Variants in TOPAZ1 observed in about 807,000 individuals in gnomAD.
TOPAZ1 encodes protein TOPAZ1.
TOPAZ1 carries 66 observed loss-of-function variants against 172.2 expected under a neutral mutation model. The observed-to-expected ratio is 0.38, with a 90% CI of 0.31 to 0.47. TOPAZ1 has a LOEUF of 0.47. TOPAZ1 is among the 20% of genes least tolerant of loss of function. The pLI, the probability that TOPAZ1 is intolerant of heterozygous loss-of-function variation, is 0.99. For synonymous variants in TOPAZ1, 681 were observed against 683.9 expected (o/e 1.00, Z 0.07); for missense variants, 1,822 against 1,972.4 (o/e 0.92, Z 1.44).
chr3:44,260,967 A>G (rs1699768556), intron 4 of TOPAZ1, among the ~76,000 whole-genome samples: 1 of 151,932 alleles, frequency 6.6e-6, no homozygotes, highest in African/African-American at 2.4e-5. Flanking sequence ...TTATGTGTAG[A>G]TCTGTTTCTT....
In TOPAZ1 at chr3:44,290,251, C is replaced by T. The variant is rs181798219; in HGVS notation, c.3682-520C>T. ...TTCCCTTGTTGGTTCTCTTCATTAG[C>T]GTTGAGGCTCATGAAGAAGACAGGA... On this transcript the variant is annotated intron_variant, in intron 11 of 19. Coordinates refer to ENST00000309765, the MANE Select transcript of TOPAZ1 (RefSeq NM_001145030.2). Among the ~76,000 whole-genome samples, 23 of 152,280 alleles carry T rather than the reference C, an allele frequency of 1.5e-4. No individual in the cohort carries two copies. The South Asian group carries it at 4.4e-3, about 29-fold the overall frequency.
chr3:44,291,578 G>A (rs866120037), intron 12 of TOPAZ1, among the ~76,000 whole-genome samples: 1 of 151,294 alleles, frequency 6.6e-6, no homozygotes, highest in Non-Finnish European at 1.5e-5. Flanking sequence ...GGGCGACAGA[G>A]CGAGACTCCG....
At chr3:44,272,568 G>A (rs1053260014) in intron 8 of TOPAZ1, among the ~76,000 whole-genome samples, 1 of 151,982 alleles carries the variant, frequency 6.6e-6, no homozygotes, top group African/African-American at 2.4e-5. Flanking sequence ...CAGCTCTCTT[G>A]CCCTTTTTTT....
chr3:44,315,740 TTTGA>T (rs1010067363), intron 16 of TOPAZ1, among the ~76,000 whole-genome samples: 5 of 152,232 alleles, frequency 3.3e-5, no homozygotes, highest in African/African-American at 1.2e-4. Flanking sequence ...ATCTTTAGTC[TTTGA>T]TTGAATACCA....
intron 9 of TOPAZ1, among the ~76,000 whole-genome samples, chr3:44,285,979 C>T (rs1034759670): frequency 2.6e-5 from 4 of 151,416 alleles, no homozygotes; most frequent in Non-Finnish European, 4.4e-5. Flanking sequence ...GAGGCCAAGG[C>T]GGGCAGATCA....
intron 12 of TOPAZ1, among the ~76,000 whole-genome samples, chr3:44,295,995 A>G (rs1424214735): frequency 6.6e-6 from 1 of 152,190 alleles, no homozygotes; most frequent in Non-Finnish European, 1.5e-5. Context: ...AAAAATTTAA[A>G]ACAATTAAAA....
chr3:44,280,202 T>C (rs1700007206), intron 8 of TOPAZ1, among the ~76,000 whole-genome samples: 1 of 152,148 alleles, frequency 6.6e-6, no homozygotes, highest in Admixed American at 6.6e-5. Context: ...TCCTGGTCTG[T>C]AAGGTTTCTG....
chr3:44,317,602 TAATGACTG>T (rs2125703772), intron 16 of TOPAZ1, among the ~76,000 whole-genome samples: 1 of 152,304 alleles, frequency 6.6e-6, no homozygotes, highest in Non-Finnish European at 1.5e-5. Flanking sequence ...CTTGTGTGAG[TAATGACTG>T]AATGTGCATA....
intron 4 of TOPAZ1, among the ~76,000 whole-genome samples, chr3:44,257,220 AG>A (rs2125680864): frequency 6.6e-6 from 1 of 151,766 alleles, no homozygotes; most frequent in South Asian, 2.1e-4. Flanking sequence ...CTGTAGTCCC[AG>A]CTACTTGGCG....
intron 6 of TOPAZ1, among the ~76,000 whole-genome samples, chr3:44,268,975 T>C (rs1360500498): frequency 6.6e-6 from 1 of 152,182 alleles, no homozygotes; most frequent in African/African-American, 2.4e-5. Context: ...TTTAAGAAAG[T>C]TGTCTGCAGC....
chr3:44,320,375 A>G (rs1186508096), intron 16 of TOPAZ1, among the ~76,000 whole-genome samples: 5 of 152,202 alleles, frequency 3.3e-5, no homozygotes, highest in African/African-American at 4.8e-5. Context: ...AGGTGGGCCA[A>G]TCACAAGGTC....
At chr3:44,288,037 A>C (rs961147043) in intron 11 of TOPAZ1, among the ~76,000 whole-genome samples, 198 bp downstream of exon 11, 6 of 152,108 alleles carry the variant, frequency 3.9e-5, no homozygotes, top group Admixed American at 2.6e-4. Flanking sequence ...CCTCTTAAAT[A>C]GTTTCAGACA....
intron 11 of TOPAZ1, among the ~76,000 whole-genome samples, chr3:44,288,579 G>T (rs1448522049): frequency 6.6e-6 from 1 of 152,178 alleles, no homozygotes; most frequent in East Asian, 1.9e-4. Flanking sequence ...CAGCCACTCA[G>T]GAGGCTGAGT....
chr3:44,313,081 CAGAT>C (rs1218923529), intron 16 of TOPAZ1, among the ~76,000 whole-genome samples: 1 of 152,132 alleles, frequency 6.6e-6, no homozygotes, highest in Non-Finnish European at 1.5e-5. Flanking sequence ...TATAAATAGA[CAGAT>C]GGATAGATCT....
At chr3:44,329,764 T>C (rs1700644278) in intron 19 of TOPAZ1, among the ~76,000 whole-genome samples, 1 of 152,214 alleles carries the variant, frequency 6.6e-6, no homozygotes, top group Non-Finnish European at 1.5e-5. Context: ...CCATGAGTTC[T>C]GTAACAGGAG....
chr3:44,311,902 G>A (rs1403408031), intron 16 of TOPAZ1, among the ~76,000 whole-genome samples: 4 of 152,180 alleles, frequency 2.6e-5, no homozygotes, highest in African/African-American at 4.8e-5. Context: ...TTTTGTGAGG[G>A]TATAGAGAAA....
At chr3:44,258,959 TG>T (rs1699745881) in intron 4 of TOPAZ1, among the ~76,000 whole-genome samples, 1 of 152,236 alleles carries the variant, frequency 6.6e-6, no homozygotes, top group African/African-American at 2.4e-5. Context: ...GAGTCTTAGC[TG>T]GGCTCTTTGG....
rs553176944 is a variant in TOPAZ1 at position 44,318,508 on chromosome 3, G to A, written c.4307-2519G>A. Among the ~76,000 whole-genome samples the A allele has an allele frequency of 9.9e-4, 149 of 150,706 alleles. 1 individual carries two copies. The highest frequency in any genetic ancestry group is 1.9e-3 in the Non-Finnish European group (128 of 67,650). On this transcript the variant is annotated intron_variant, in intron 16 of 19. Coordinates refer to ENST00000309765, the MANE Select transcript of TOPAZ1 (RefSeq NM_001145030.2). ...ACGGTGGGGGGTGGGGGAGTGGGGC[G>A]GGGGAGGGTTTGCATAGAGAGGGGG...
At chr3:44,289,520 G>C (rs1700114111) in intron 11 of TOPAZ1, among the ~76,000 whole-genome samples, 1 of 152,002 alleles carries the variant, frequency 6.6e-6, no homozygotes, top group Non-Finnish European at 1.5e-5. Context: ...TAAAGTTGTT[G>C]AATAACGTGT....
Sources: gnomAD v4.1 joint callset for allele counts (sites outside exome capture counted in the v4.1 genomes callset) on GRCh38, gnomAD v4.1.1 for gene constraint, MANE v1.5 for transcripts, NCBI Gene and HGNC (gene_info 2026-07-23, HGNC 2026-07-21) for gene names.